Variants in CLYBL observed in about 807,000 individuals in gnomAD.
The protein encoded by CLYBL is citramalyl-CoA lyase, mitochondrial.
Under a neutral mutation model 38.9 loss-of-function variants are expected in CLYBL, and 31 were observed. The ratio of observed to expected loss-of-function variants is 0.80; its 90% CI spans 0.60 to 1.08. The LOEUF (loss-of-function observed/expected upper bound fraction) is 1.08. Among genes scored for constraint, CLYBL ranks in the 50% least tolerant of loss-of-function variants. The pLI is 0.00. For synonymous variants in CLYBL, 171 were observed against 158.6 expected (o/e 1.08, Z -0.59); for missense variants, 434 against 411.6 (o/e 1.05, Z -0.47).
intron 1 of CLYBL, among the ~76,000 whole-genome samples, chr13:99,725,278 G>A (rs1187273604): frequency 6.6e-6 from 1 of 152,144 alleles, no homozygotes; most frequent in Non-Finnish European, 1.5e-5. Flanking sequence ...GACTTGCTGT[G>A]GTAATACCGT....
intron 1 of CLYBL, among the ~76,000 whole-genome samples, chr13:99,736,038 C>CTTTTTTTTTTTTTTT (rs767129851): frequency 3.9e-5 from 3 of 76,198 alleles, no homozygotes; most frequent in Non-Finnish European, 7.1e-5. Flanking sequence ...CGTTTCTTTT[C>CTTTTTTTTTTTTTTT]TTTTTTTTTT....
At chr13:99,614,816 A>G (rs967677985) in intron 1 of CLYBL, among the ~76,000 whole-genome samples, 1 of 152,034 alleles carries the variant, frequency 6.6e-6, no homozygotes, top group Non-Finnish European at 1.5e-5. Flanking sequence ...TACTGCAGAG[A>G]TCCCTCCCTC....
At chr13:99,744,779 AG>A (rs1425649332) in intron 1 of CLYBL, among the ~76,000 whole-genome samples, 2 of 152,204 alleles carry the variant, frequency 1.3e-5, no homozygotes, top group East Asian at 3.9e-4. Flanking sequence ...GGAGCAATAG[AG>A]GGCTCAATGG....
intron 2 of CLYBL, among the ~76,000 whole-genome samples, chr13:99,789,070 C>T (rs369386845): frequency 2.5e-4 from 38 of 151,974 alleles, no homozygotes; most frequent in Non-Finnish European, 2.6e-4. Flanking sequence ...TTTTTTATTG[C>T]GTCTATTTGA....
chr13:99,667,253 C>A (rs957328859), intron 1 of CLYBL, among the ~76,000 whole-genome samples: 4 of 152,152 alleles, frequency 2.6e-5, no homozygotes, highest in African/African-American at 7.2e-5. Context: ...CGTAACCATC[C>A]CTTGAGGATG....
chr13:99,646,584 G>A (rs1355089720), intron 1 of CLYBL, among the ~76,000 whole-genome samples: 1 of 148,078 alleles, frequency 6.8e-6, no homozygotes, highest in Non-Finnish European at 1.5e-5. Context: ...CGTGATCTCG[G>A]CTCACTGCAA....
intron 1 of CLYBL, among the ~76,000 whole-genome samples, chr13:99,696,496 A>C (rs1023224543): frequency 6.6e-6 from 1 of 152,162 alleles, no homozygotes; most frequent in Admixed American, 6.5e-5. Flanking sequence ...GGTTATAGAC[A>C]TAAGCCACTG....
intron 1 of CLYBL, among the ~76,000 whole-genome samples, chr13:99,638,835 C>T (rs2047057464): frequency 6.6e-6 from 1 of 152,188 alleles, no homozygotes; most frequent in South Asian, 2.1e-4. Context: ...CATGAGCTGG[C>T]ACACAGGTTG....
chr13:99,712,446 C>T (rs207474306), intron 1 of CLYBL, among the ~76,000 whole-genome samples: 4 of 151,494 alleles, frequency 2.6e-5, no homozygotes, highest in South Asian at 2.1e-4. Flanking sequence ...GCGATCCTCC[C>T]GCCTCAGCCT....
chr13:99,616,348 C>T (rs959841827), intron 1 of CLYBL, among the ~76,000 whole-genome samples: 5 of 152,146 alleles, frequency 3.3e-5, no homozygotes, highest in East Asian at 1.9e-4. Context: ...TTACATTTAA[C>T]GATGTTAATC....
chr13:99,788,412 G>T (rs1015559561), intron 2 of CLYBL, among the ~76,000 whole-genome samples: 1 of 152,126 alleles, frequency 6.6e-6, no homozygotes, highest in African/African-American at 2.4e-5. Flanking sequence ...AGCATGAAGG[G>T]CTGTTGAATT....
At chr13:99,866,478 A>G (rs2051748075) in intron 6 of CLYBL, 71 bp downstream of exon 6, 2 of 1,353,556 alleles carry the variant, frequency 1.5e-6, no homozygotes, top group Non-Finnish European at 2.1e-6. Flanking sequence ...TTTGACCCGA[A>G]AACACCCCTA....
chr13:99,833,018 ATATATATATATATTTTTTTT>A (rs2050845023), intron 2 of CLYBL, among the ~76,000 whole-genome samples: 4 of 34,276 alleles, frequency 1.2e-4, no homozygotes, highest in African/African-American at 3.5e-4. Flanking sequence ...ATATATATAT[ATATATATATATATTTTTTTT>A]TTTTTTTTTT....
chr13:99,829,704 G>A (rs780638649), intron 2 of CLYBL, among the ~76,000 whole-genome samples: 7 of 152,134 alleles, frequency 4.6e-5, no homozygotes, highest in South Asian at 2.1e-4. Context: ...CTCCAGTTAC[G>A]TCACCTTTCC....
At position 99,786,892 on chromosome 13, in the gene CLYBL, C is replaced by G. The variant is rs550950764; in HGVS notation, c.249+13882C>G. Among the ~76,000 whole-genome samples, 459 of 151,932 alleles carry G rather than the reference C, an allele frequency of 3.0e-3. 1 individual carries two copies. Among genetic ancestry groups the G allele is most frequent in the African/African-American group, 0.01 (417 of 41,436 alleles). On this transcript the variant is annotated intron_variant, in intron 2 of 8. Coordinates refer to ENST00000339105, the MANE Select transcript of CLYBL (RefSeq NM_206808.5). ...TGTTGTTTCCTGACTTTTTAATGATCGCCATTCTAACTGGTGTGAGATGGT... is the reference window on the plus strand; with the variant it reads ...TGTTGTTTCCTGACTTTTTAATGATGGCCATTCTAACTGGTGTGAGATGGT...
chr13:99,818,954 G>C lies in CLYBL; in HGVS notation c.250-39907G>C, dbSNP rs554642597. Among the ~76,000 whole-genome samples, 3 of 152,246 alleles carry C rather than the reference G, an allele frequency of 2.0e-5. No homozygotes were observed. The South Asian group carries it at 6.2e-4, about 32-fold the overall frequency. On this transcript the variant is annotated intron_variant, in intron 2 of 8. Coordinates refer to ENST00000339105, the MANE Select transcript of CLYBL (RefSeq NM_206808.5). ...GTGTGAGATGTTGCTGTTATATCCT[G>C]CTTTGAGAAAATCCAACTTATCAAG...
At chr13:99,637,135 A>G (rs970452008) in intron 1 of CLYBL, among the ~76,000 whole-genome samples, 1 of 152,112 alleles carries the variant, frequency 6.6e-6, no homozygotes, top group Non-Finnish European at 1.5e-5. Context: ...CCGCCTCCCA[A>G]AGTGCTGGGG....
intron 1 of CLYBL, among the ~76,000 whole-genome samples, chr13:99,679,151 G>A (rs1478327808): frequency 1.3e-5 from 2 of 151,912 alleles, no homozygotes; most frequent in African/African-American, 2.4e-5. Context: ...AAAATTAGCC[G>A]GGTGTGGTGG....
chr13:99,746,355 A>T (rs917251556), intron 1 of CLYBL, among the ~76,000 whole-genome samples: 6 of 144,516 alleles, frequency 4.2e-5, no homozygotes, highest in South Asian at 2.2e-4. Context: ...TTTAAATACT[A>T]TTTTTTTTTT....
Sources: allele counts gnomAD v4.1 joint callset (sites outside exome capture counted in the v4.1 genomes callset), GRCh38; gene constraint gnomAD v4.1.1; transcripts MANE v1.5; gene names NCBI Gene and HGNC (gene_info 2026-07-23, HGNC 2026-07-21).